Variants in CNTN5 observed in about 807,000 individuals in gnomAD.
The protein encoded by CNTN5 is contactin 5, also known as contactin-5.
A neutral mutation model predicts 129.1 loss-of-function variants in CNTN5; 77 were observed. The observed-to-expected ratio is 0.60, with a 90% CI of 0.50 to 0.72. CNTN5 has a LOEUF of 0.72. CNTN5 is among the 30% of genes least tolerant of loss of function. CNTN5 has a pLI of 0.00. For missense variants in CNTN5, 1,478 were observed against 1,328.8 expected (o/e 1.11, Z -1.75); for synonymous variants, 509 against 465.6 (o/e 1.09, Z -1.20).
At chr11:99,411,215 T>G (rs574655478) in intron 2 of CNTN5, among the ~76,000 whole-genome samples, 1 of 152,198 alleles carries the variant, frequency 6.6e-6, no homozygotes, top group African/African-American at 2.4e-5. Flanking sequence ...AATTTTTCAG[T>G]TGAGGAAGCC....
intron 6 of CNTN5, among the ~76,000 whole-genome samples, chr11:99,861,881 G>A (rs558679047): frequency 2.2e-4 from 33 of 152,234 alleles, no homozygotes; most frequent in African/African-American, 6.0e-4. Context: ...TACTGTTGTT[G>A]TGAGCATAAA....
At chr11:100,066,515 A>C (rs1943701442) in intron 10 of CNTN5, among the ~76,000 whole-genome samples, 2 of 152,262 alleles carry the variant, frequency 1.3e-5, no homozygotes, top group South Asian at 4.1e-4. Context: ...TTAGCATTTT[A>C]TAAAATGTAA....
At chr11:99,044,703 C>T (rs12285237) in intron 1 of CNTN5, among the ~76,000 whole-genome samples, 2,051 of 152,144 alleles carry the variant, frequency 0.013, 49 homozygotes, top group African/African-American at 0.047. Context: ...ATCCTTTTCC[C>T]GAGGGGTGGG....
At chr11:99,821,826 A>C (rs1294176037) in intron 4 of CNTN5, among the ~76,000 whole-genome samples, 3 of 152,168 alleles carry the variant, frequency 2.0e-5, no homozygotes, top group African/African-American at 7.2e-5. Context: ...GATGATACTT[A>C]CTGAGTGGCA....
chr11:99,189,002 T>G (rs1363988286), intron 1 of CNTN5, among the ~76,000 whole-genome samples: 2 of 151,614 alleles, frequency 1.3e-5, no homozygotes, highest in Non-Finnish European at 3.0e-5. Flanking sequence ...CCCAACCACT[T>G]CCCTCCCTCA....
At chr11:100,130,105 A>G (rs556903746) in intron 13 of CNTN5, among the ~76,000 whole-genome samples, 4 of 152,294 alleles carry the variant, frequency 2.6e-5, no homozygotes, top group African/African-American at 9.6e-5. Context: ...AGTAATGCAT[A>G]TACACACACC....
chr11:100,349,593 G>C (rs1952359552), intron 23 of CNTN5, among the ~76,000 whole-genome samples: 2 of 151,810 alleles, frequency 1.3e-5, no homozygotes, highest in Admixed American at 6.6e-5. Context: ...GGAAGGTATA[G>C]GAGATTTTGT....
intron 1 of CNTN5, among the ~76,000 whole-genome samples, chr11:99,229,311 T>C (rs1360269919): frequency 6.6e-6 from 1 of 152,070 alleles, no homozygotes; most frequent in African/African-American, 2.4e-5. Flanking sequence ...TCGCTCTTAC[T>C]GGAACACATG....
rs551901093 is a variant in CNTN5, at chr11:99,580,464, C to G, written c.55+24195C>G. Among the ~76,000 whole-genome samples the G allele has an allele frequency of 2.1e-3, 316 of 152,142 alleles. 2 individuals are homozygous for G. The highest frequency in any genetic ancestry group is 2.9e-3 in the Non-Finnish European group (195 of 68,014). On this transcript the variant is annotated intron_variant, in intron 3 of 24. Transcript: ENST00000524871. Reference sequence around the variant, plus strand: ...GACTGTGAATCCATCTGGTCCTGGACTTTTTTTGGTTGGTAATCTATTAAT... The same window carrying G: ...GACTGTGAATCCATCTGGTCCTGGAGTTTTTTTGGTTGGTAATCTATTAAT...
At chr11:99,844,829 A>G in intron 4 of CNTN5, 23 bp from the exon 5 acceptor site, 1 of 1,586,158 alleles carries the variant, frequency 6.3e-7, no homozygotes, top group Non-Finnish European at 8.6e-7. Flanking sequence ...GAAATTTAAA[A>G]TGTGTCTGTT....
chr11:99,402,398 G>A (rs6590092), intron 2 of CNTN5, among the ~76,000 whole-genome samples: 1 of 152,212 alleles, frequency 6.6e-6, no homozygotes, highest in African/African-American at 2.4e-5. Flanking sequence ...GTTGAACTAT[G>A]TTTGCATCCC....
chr11:99,436,116 A>G lies in CNTN5; in HGVS notation c.-71+110632A>G, dbSNP rs1035890299. On this transcript the variant is annotated intron_variant, in intron 2 of 24. Transcript: ENST00000524871. ...TTAAATGTTCTAAAGGAGTAAAAGC[A>G]GATCATGATCATTTGGAGTGAGAGA... Among the ~76,000 whole-genome samples, 3 of 152,308 alleles carry G rather than the reference A, an allele frequency of 2.0e-5. No homozygotes were observed. In the South Asian group the frequency reaches 6.2e-4, roughly 32 times the overall value.
intron 6 of CNTN5, among the ~76,000 whole-genome samples, chr11:99,890,585 A>T (rs1244204888): frequency 6.6e-6 from 1 of 152,112 alleles, no homozygotes; most frequent in Admixed American, 6.6e-5. Flanking sequence ...GTATATATAC[A>T]TATATGATTG....
At chr11:99,600,801 G>A (rs1486483767) in intron 3 of CNTN5, among the ~76,000 whole-genome samples, 1 of 152,044 alleles carries the variant, frequency 6.6e-6, no homozygotes, top group Non-Finnish European at 1.5e-5. Flanking sequence ...AAAATATTCT[G>A]TTTACCATGG....
chr11:100,092,428 C>G (rs936901619), intron 13 of CNTN5, among the ~76,000 whole-genome samples: 1 of 152,078 alleles, frequency 6.6e-6, no homozygotes, highest in African/African-American at 2.4e-5. Context: ...CCTGCATTTT[C>G]GTGGTGAATG....
chr11:99,248,414 C>T (rs150381551), intron 1 of CNTN5, among the ~76,000 whole-genome samples: 119 of 152,168 alleles, frequency 7.8e-4, no homozygotes, highest in Middle Eastern at 3.4e-3. Flanking sequence ...CTGTAGGTGG[C>T]CTGTTCACTC....
intron 2 of CNTN5, among the ~76,000 whole-genome samples, chr11:99,519,481 T>C (rs1216678366): frequency 6.6e-6 from 1 of 152,106 alleles, no homozygotes; most frequent in Non-Finnish European, 1.5e-5. Context: ...GTCTATCACA[T>C]GGCAACAAAT....
At chr11:99,431,154 C>T (rs141978360) in intron 2 of CNTN5, among the ~76,000 whole-genome samples, 1 of 151,866 alleles carries the variant, frequency 6.6e-6, no homozygotes, top group African/African-American at 2.4e-5. Context: ...GAAACAGCAA[C>T]AACAACAATG....
chr11:99,942,943 C>G (rs958001658), intron 7 of CNTN5, among the ~76,000 whole-genome samples: 1 of 152,034 alleles, frequency 6.6e-6, no homozygotes, highest in Non-Finnish European at 1.5e-5. Context: ...TTTATCCAGT[C>G]TATCATTGAT....
Sources: allele counts gnomAD v4.1 joint callset (sites outside exome capture counted in the v4.1 genomes callset), GRCh38; gene constraint gnomAD v4.1.1; transcripts MANE v1.5; gene names NCBI Gene and HGNC (gene_info 2026-07-23, HGNC 2026-07-21).